The following GBE1 variants were observed in gnomAD, a reference collection of about 807,000 sequenced individuals.
GBE1 encodes the protein 1,4-alpha-glucan-branching enzyme.
A neutral mutation model predicts 88.8 loss-of-function variants in GBE1; 70 were observed. That is an observed-to-expected ratio of 0.79 (90% CI 0.65 to 0.96). The LOEUF (loss-of-function observed/expected upper bound fraction) is 0.96, where lower values mean the gene tolerates loss of function less well. Among genes scored for constraint, GBE1 ranks in the 40% least tolerant of loss-of-function variants. GBE1 has a pLI of 0.00. For missense variants in GBE1, 872 were observed against 871.0 expected (o/e 1.00, Z -0.01); for synonymous variants, 284 against 300.1 (o/e 0.95, Z 0.56).
chr3:81,625,202 A>G (rs966347064), intron 7 of GBE1, among the ~76,000 whole-genome samples: 13 of 152,140 alleles, frequency 8.5e-5, no homozygotes, highest in African/African-American at 3.1e-4. Context: ...AGATATTTTC[A>G]GGTCTTTATC....
intron 1 of GBE1, among the ~76,000 whole-genome samples, chr3:81,740,587 T>G (rs1283203895): frequency 6.6e-6 from 1 of 152,084 alleles, no homozygotes; most frequent in African/African-American, 2.4e-5. Context: ...CAAAGGCCAG[T>G]CAATAAGGCC....
At chr3:81,527,372 G>T (rs1295024694) in intron 14 of GBE1, among the ~76,000 whole-genome samples, 3 of 152,186 alleles carry the variant, frequency 2.0e-5, no homozygotes, top group African/African-American at 7.2e-5. Flanking sequence ...TGACAAATGG[G>T]ATCTAATTAA....
intron 14 of GBE1, among the ~76,000 whole-genome samples, chr3:81,506,201 A>G (rs1466780523): frequency 1.3e-5 from 2 of 152,260 alleles, no homozygotes; most frequent in East Asian, 1.9e-4. Flanking sequence ...AAGGAACTCA[A>G]ATTTACAAGG....
intron 14 of GBE1, among the ~76,000 whole-genome samples, chr3:81,527,370 G>T (rs1336755978): frequency 6.6e-6 from 1 of 152,080 alleles, no homozygotes; most frequent in Non-Finnish European, 1.5e-5. Flanking sequence ...ATTGACAAAT[G>T]GGATCTAATT....
intron 12 of GBE1, among the ~76,000 whole-genome samples, chr3:81,544,179 G>A (rs1703176214): frequency 6.6e-6 from 1 of 152,104 alleles, no homozygotes; most frequent in African/African-American, 2.4e-5. Flanking sequence ...AAAAAGAAAA[G>A]TAGAAAGCTA....
chr3:81,644,211 G>A (rs1028250719), intron 6 of GBE1, among the ~76,000 whole-genome samples: 4 of 151,934 alleles, frequency 2.6e-5, no homozygotes, highest in African/African-American at 4.8e-5. Flanking sequence ...ATTCCCATTG[G>A]GAGACAACAA....
intron 1 of GBE1, among the ~76,000 whole-genome samples, chr3:81,730,041 A>T (rs1706163814): frequency 1.3e-5 from 2 of 151,854 alleles, no homozygotes; most frequent in Non-Finnish European, 2.9e-5. Flanking sequence ...TTTGTTGCCT[A>T]CAGTGTTTCC....
chr3:81,699,755 C>G (rs1705660082), intron 2 of GBE1, among the ~76,000 whole-genome samples: 1 of 152,134 alleles, frequency 6.6e-6, no homozygotes, highest in South Asian at 2.1e-4. Flanking sequence ...CTGCCTTCCC[C>G]AGTCCACTGA....
intron 2 of GBE1, among the ~76,000 whole-genome samples, chr3:81,691,389 T>C (rs1056944488): frequency 3.3e-5 from 5 of 152,198 alleles, no homozygotes; most frequent in Non-Finnish European, 7.3e-5. Context: ...CTTTTAACAA[T>C]GTATTTTGGT....
chr3:81,715,613 G>A (rs1705928154), intron 1 of GBE1, among the ~76,000 whole-genome samples: 1 of 152,112 alleles, frequency 6.6e-6, no homozygotes, highest in African/African-American at 2.4e-5. Context: ...CCTACTATGT[G>A]CCAGGCATGG....
At chr3:81,552,442 G>A (rs1295488557) in intron 12 of GBE1, among the ~76,000 whole-genome samples, 6 of 148,914 alleles carry the variant, frequency 4.0e-5, no homozygotes, top group South Asian at 4.3e-4. Context: ...GCTTGAACCC[G>A]GAAGGTGGAG....
At chr3:81,678,522 T>C (rs1412390734) in intron 2 of GBE1, among the ~76,000 whole-genome samples, 1 of 152,208 alleles carries the variant, frequency 6.6e-6, no homozygotes, top group Non-Finnish European at 1.5e-5. Context: ...ATATACCTCA[T>C]TGCTTGTAAT....
intron 12 of GBE1, among the ~76,000 whole-genome samples, chr3:81,569,897 C>T (rs1401647969): frequency 6.6e-6 from 1 of 152,076 alleles, no homozygotes; most frequent in Non-Finnish European, 1.5e-5. Flanking sequence ...TCACTGCAAC[C>T]TCCACCTCCC....
intron 1 of GBE1, among the ~76,000 whole-genome samples, chr3:81,713,801 TCTTCA>T (rs1279382530): frequency 1.3e-5 from 2 of 152,196 alleles, no homozygotes; most frequent in East Asian, 1.9e-4. Context: ...TAGCATACAC[TCTTCA>T]CTTCATCTAT....
In GBE1 at chr3:81,520,038, G is replaced by A. The variant is rs1298792117; in HGVS notation, c.1934+15157C>T. On this transcript the variant is annotated intron_variant, in intron 14 of 15. Transcript: ENST00000429644. Reference sequence around the variant, plus strand: ...AAGAGGCACCAGGGTGTAACAGAAAGAATATGGGCTATGGAAAACACTGCT... The same window carrying A: ...AAGAGGCACCAGGGTGTAACAGAAAAAATATGGGCTATGGAAAACACTGCT... Among the ~76,000 whole-genome samples the A allele has an allele frequency of 2.6e-5, 4 of 151,504 alleles. No individual in the cohort carries two copies. In the Admixed American group the frequency reaches 2.6e-4, roughly 10 times the overall value.
intron 3 of GBE1, among the ~76,000 whole-genome samples, chr3:81,660,887 G>T (rs917973789): frequency 6.6e-6 from 1 of 152,088 alleles, no homozygotes; most frequent in African/African-American, 2.4e-5. Flanking sequence ...GGAGAAAAAG[G>T]TTATTTCCTG....
At chr3:81,495,421 A>G (rs1702489178) in intron 15 of GBE1, among the ~76,000 whole-genome samples, 1 of 152,190 alleles carries the variant, frequency 6.6e-6, no homozygotes, top group South Asian at 2.1e-4. Flanking sequence ...TCAATGAAAA[A>G]GTCATCAGAT....
chr3:81,582,353 C>G (rs948387316), intron 10 of GBE1, among the ~76,000 whole-genome samples: 1 of 152,032 alleles, frequency 6.6e-6, no homozygotes, highest in Non-Finnish European at 1.5e-5. Flanking sequence ...GAGGAAGGAG[C>G]AATGAGCCAA....
At chr3:81,747,713 C>T (rs1283898406) in intron 1 of GBE1, among the ~76,000 whole-genome samples, 3 of 152,214 alleles carry the variant, frequency 2.0e-5, no homozygotes, top group East Asian at 3.8e-4. Context: ...CCTGGCCCAC[C>T]TTAACTGAGT....
Sources: gnomAD v4.1 joint callset for allele counts (sites outside exome capture counted in the v4.1 genomes callset) on GRCh38, gnomAD v4.1.1 for gene constraint, MANE v1.5 for transcripts, NCBI Gene and HGNC (gene_info 2026-07-23, HGNC 2026-07-21) for gene names.